MAGEC3: variants seen among roughly 807,000 people sequenced by gnomAD.
The protein encoded by MAGEC3 is melanoma-associated antigen C3.
A neutral mutation model predicts 35.3 loss-of-function variants in MAGEC3; 34 were observed. The ratio of observed to expected loss-of-function variants is 0.96; its 90% CI spans 0.73 to 1.28. The LOEUF is 1.28. MAGEC3 is among the 50% of genes most tolerant of loss of function. MAGEC3 has a pLI of 0.00. For missense variants in MAGEC3, 561 were observed against 483.6 expected (o/e 1.16, Z -1.50); for synonymous variants, 202 against 185.6 (o/e 1.09, Z -0.72).
intron 1 of MAGEC3, among the ~76,000 whole-genome samples, chrX:141,850,377 C>G (rs2017743621): frequency 9.0e-6 from 1 of 110,848 alleles, no homozygotes; most frequent in Admixed American, 9.6e-5. Context: ...AGAATAAAAG[C>G]TGAAATTTTT....
intron 1 of MAGEC3, among the ~76,000 whole-genome samples, chrX:141,840,263 T>G (rs2017678142): frequency 8.9e-6 from 1 of 112,034 alleles, no homozygotes; most frequent in Non-Finnish European, 1.9e-5. Flanking sequence ...CTGAGAAAGT[T>G]AACAGCAAAA....
At chrX:141,843,289 A>C (rs1372627273) in intron 1 of MAGEC3, among the ~76,000 whole-genome samples, 1 of 110,839 alleles carries the variant, frequency 9.0e-6, no homozygotes, top group African/African-American at 3.3e-5. Context: ...GCTGTCCCTT[A>C]CTCTACAGGA....
At chrX:141,884,127 G>A (rs1194657215) in intron 4 of MAGEC3, among the ~76,000 whole-genome samples, 1 of 113,088 alleles carries the variant, frequency 8.8e-6, no homozygotes, top group Non-Finnish European at 1.9e-5. Flanking sequence ...AAGGATGCAA[G>A]TATTGTTCCT....
At position 141,895,270 on chromosome X, in the gene MAGEC3, C is replaced by T. The variant is rs762804734; in HGVS notation, c.911C>T (p.Pro304Leu). ...ACCCCACGCTGCCTCTGCTGTCAGC[C>T]CTGGTCAGCCTTGGCAGGGTTCGCG... ...VIWEVLNAIG[P>L]WSALAGFADV... The change falls in exon 5 of 8, where the codon CCC becomes CTC. Residue 304 changes from proline (P) to leucine (L), a missense_variant and splice_region_variant. Coordinates refer to ENST00000298296, the MANE Select transcript of MAGEC3 (RefSeq NM_138702.1). The T allele has an allele frequency of 6.5e-5, 78 of 1,204,786 alleles. No individual in the cohort carries two copies. In the Admixed American group the frequency reaches 1.2e-3, roughly 19 times the overall value.
chrX:141,890,359 C>A (rs921495509), intron 4 of MAGEC3, among the ~76,000 whole-genome samples: 2 of 110,753 alleles, frequency 1.8e-5, no homozygotes, highest in African/African-American at 6.6e-5. Flanking sequence ...TGCGTGCCAC[C>A]AAGCCCAGCT....
chrX:141,885,084 AC>A (rs2017992329), intron 4 of MAGEC3, among the ~76,000 whole-genome samples: 1 of 111,573 alleles, frequency 9.0e-6, no homozygotes, highest in African/African-American at 3.3e-5. Flanking sequence ...CTCAGGACCC[AC>A]CCCCAAAATC....
In MAGEC3 at chrX:141,875,280, A is replaced by T. The variant is rs190578387; in HGVS notation, c.259-3895A>T. On this transcript the variant is annotated intron_variant, in intron 2 of 7. Transcript: ENST00000298296. Reference sequence around the variant, plus strand: ...TGAGAGAAAGGGAGGCATCAAGTATATCAAAACATGTGCCACCTATAGCAA... The same window carrying T: ...TGAGAGAAAGGGAGGCATCAAGTATTTCAAAACATGTGCCACCTATAGCAA... Among the ~76,000 whole-genome samples, 461 of 111,677 alleles carry T rather than the reference A, an allele frequency of 4.1e-3. 6 individuals are homozygous for T. Among genetic ancestry groups the T allele is most frequent in the African/African-American group, 0.014 (434 of 30,751 alleles).
intron 2 of MAGEC3, among the ~76,000 whole-genome samples, chrX:141,873,952 C>G (rs1205644540): frequency 9.0e-6 from 1 of 111,662 alleles, no homozygotes; most frequent in East Asian, 2.8e-4. Context: ...CTAACACTTC[C>G]CAACTTCAGG....
intron 2 of MAGEC3, among the ~76,000 whole-genome samples, chrX:141,873,394 G>T (rs1029133608): frequency 4.5e-5 from 5 of 110,649 alleles, no homozygotes; most frequent in African/African-American, 1.6e-4. Flanking sequence ...AAGTTTGGCA[G>T]TTACCTAAGA....
In MAGEC3 at chrX:141,865,590, C is replaced by G. The variant is rs1227187730; in HGVS notation, c.243C>G (p.Cys81Trp). 1.7e-6 allele frequency: 2 copies of G among 1,206,615 alleles called. No homozygotes were observed. The highest frequency in any genetic ancestry group is 2.2e-6 in the Non-Finnish European group (2 of 892,854). ...SDQRMDSLVL[C>W]PTYFKLWRTL... The stretch of plus-strand genomic sequence containing the variant: ...AGCGAATGGATAGTCTTGTCCTCTG[C>G]CCCACATACTTCAAGGTAAGGACTC... Residue 81 changes from cysteine to tryptophan, a missense_variant, in exon 2 of 8, where the codon TGC (cysteine) becomes TGG (tryptophan). Physicochemically the swap from Cys to Trp is radical, Grantham distance 215. Transcript: ENST00000298296.
At position 141,895,280 on chromosome X, in the gene MAGEC3, C is replaced by G. The variant is rs2018079083; in HGVS notation, c.921C>G (p.Ala307=). The change falls in exon 5 of 8, where the codon GCC becomes GCG. Residue 307 remains alanine (A), a synonymous_variant. Coordinates refer to ENST00000298296, the MANE Select transcript of MAGEC3 (RefSeq NM_138702.1). Reference sequence around the variant, plus strand: ...GCCTCTGCTGTCAGCCCTGGTCAGCCTTGGCAGGGTTCGCGGATGTGCTTT... The same window carrying G: ...GCCTCTGCTGTCAGCCCTGGTCAGCGTTGGCAGGGTTCGCGGATGTGCTTT... ...EVLNAIGPWS[A]LAGFADVLSR... 2 of 1,210,112 alleles carry G rather than the reference C, an allele frequency of 1.7e-6. No homozygotes were observed. The highest frequency in any genetic ancestry group is 2.2e-6 in the Non-Finnish European group (2 of 894,624).
chrX:141,896,793 C>T, intron 6 of MAGEC3, 89 bp from the exon 7 acceptor site: 1 of 1,207,984 alleles, frequency 8.3e-7, no homozygotes, highest in Non-Finnish European at 1.1e-6. Context: ...CTTCCTCTTT[C>T]CACTTTTTAT....
At chrX:141,892,030 C>T (rs2018046641) in intron 4 of MAGEC3, among the ~76,000 whole-genome samples, 1 of 110,688 alleles carries the variant, frequency 9.0e-6, no homozygotes, top group African/African-American at 3.3e-5. Flanking sequence ...GGACTGAAGA[C>T]AGCCATCTAC....
chrX:141,895,141 G>A (rs1241380003), intron 4 of MAGEC3, 128 bp from the exon 5 acceptor site: 11 of 771,365 alleles, frequency 1.4e-5, no homozygotes, highest in East Asian at 1.3e-4. Context: ...GGGGTCGGGG[G>A]GCGCTGAGGA....
intron 1 of MAGEC3, chrX:141,838,773 A>C (rs1337473632): frequency 1.3e-6 from 1 of 751,313 alleles, no homozygotes; most frequent in Non-Finnish European, 1.6e-6. Context: ...GCAGCAGCCC[A>C]CGCCTTCGTC....
chrX:141,879,103 C>T, intron 2 of MAGEC3, 72 bp from the exon 3 acceptor site: 8 of 1,101,615 alleles, frequency 7.3e-6, no homozygotes, highest in Non-Finnish European at 8.4e-6. Context: ...CCAGGCACAG[C>T]CTCTCGGGAA....
At chrX:141,884,240 TG>T (rs779627716) in intron 4 of MAGEC3, among the ~76,000 whole-genome samples, 57 of 112,379 alleles carry the variant, frequency 5.1e-4, no homozygotes, top group African/African-American at 1.8e-3. Flanking sequence ...TCTAATCAGC[TG>T]CCAGTAGGAC....
At chrX:141,843,681 A>T (rs778787157) in intron 1 of MAGEC3, among the ~76,000 whole-genome samples, 18 of 111,084 alleles carry the variant, frequency 1.6e-4, no homozygotes, top group African/African-American at 5.2e-4. Flanking sequence ...CATTTAGATG[A>T]TTGCCAGCAT....
intron 1 of MAGEC3, among the ~76,000 whole-genome samples, chrX:141,861,436 G>C (rs1321514630): frequency 3.6e-5 from 4 of 110,856 alleles, no homozygotes; most frequent in Admixed American, 9.7e-5. Context: ...AAAAAAATAT[G>C]AAAATTTGTA....
Sources: gnomAD v4.1 joint callset for allele counts (sites outside exome capture counted in the v4.1 genomes callset) on GRCh38, gnomAD v4.1.1 for gene constraint, MANE v1.5 for transcripts, NCBI Gene and HGNC (gene_info 2026-07-23, HGNC 2026-07-21) for gene names.